FA2H: variants seen among roughly 807,000 people sequenced by gnomAD.
FA2H encodes fatty acid 2-hydroxylase, also known as fatty acid alpha-hydroxylase.
In FA2H, 22 loss-of-function variants were observed where a neutral mutation model predicts 44.9. The observed-to-expected ratio is 0.49, with a 90% confidence interval of 0.35 to 0.70. The LOEUF (loss-of-function observed/expected upper bound fraction) is 0.70. Among genes scored for constraint, FA2H ranks in the 30% least tolerant of loss-of-function variants. FA2H has a pLI of 0.01. For synonymous variants in FA2H, 243 were observed against 213.2 expected (o/e 1.14, Z -1.22); for missense variants, 501 against 504.9 (o/e 0.99, Z 0.07).
Position 74,740,127 on chromosome 16 carries a change from A to T in FA2H, c.271-12T>A, listed in dbSNP as rs1314200047. On this transcript the variant is annotated splice_polypyrimidine_tract_variant and intron_variant, in intron 1 of 6. Transcript: ENST00000219368. Reference sequence around the variant, plus strand: ...TTCTCCATGGAGCCCTGGAAGGAGAAGATACAAGAGGATTATACACAGTGG... The same window carrying T: ...TTCTCCATGGAGCCCTGGAAGGAGATGATACAAGAGGATTATACACAGTGG... 1 of 1,602,916 alleles carries T rather than the reference A, an allele frequency of 6.2e-7. No individual in the cohort carries two copies. The highest frequency in any genetic ancestry group is 8.5e-7 in the Non-Finnish European group (1 of 1,170,044).
intron 2 of FA2H, 80 bp from the exon 3 acceptor site, chr16:74,727,466 C>G: frequency 6.9e-7 from 1 of 1,458,456 alleles, no homozygotes; most frequent in Non-Finnish European, 9.6e-7. Flanking sequence ...TTACAGCATC[C>G]CAATCCCCTG....
At chr16:74,714,554 C>T (rs1961652587) in intron 6 of FA2H, among the ~76,000 whole-genome samples, 1 of 151,796 alleles carries the variant, frequency 6.6e-6, no homozygotes, top group African/African-American at 2.4e-5. Context: ...CTTCCCCTTC[C>T]TTGGGGCCCA....
intron 1 of FA2H, among the ~76,000 whole-genome samples, chr16:74,753,067 G>T (rs1435635128): frequency 1.3e-5 from 2 of 152,210 alleles, no homozygotes; most frequent in Non-Finnish European, 2.9e-5. Context: ...GAGCTGAAGG[G>T]ACTCCTTGCC....
chr16:74,716,259 G>C, intron 6 of FA2H, 88 bp downstream of exon 6: 1 of 1,471,878 alleles, frequency 6.8e-7, no homozygotes, highest in Non-Finnish European at 9.4e-7. Flanking sequence ...ATGGAACAGT[G>C]CCTTGCCGTT....
At chr16:74,758,294 G>A (rs1032734581) in intron 1 of FA2H, among the ~76,000 whole-genome samples, 1 of 151,382 alleles carries the variant, frequency 6.6e-6, no homozygotes, top group African/African-American at 2.4e-5. Flanking sequence ...CTAATTTTTT[G>A]TATTTTTAGT....
intron 1 of FA2H, among the ~76,000 whole-genome samples, chr16:74,751,436 G>A (rs1962524413): frequency 6.6e-6 from 1 of 152,060 alleles, no homozygotes; most frequent in Admixed American, 6.6e-5. Context: ...TACGCAGTGA[G>A]TCCTAGAATT....
intron 1 of FA2H, among the ~76,000 whole-genome samples, chr16:74,750,790 T>TGTGTGTGTGTGTGTGTGTG (rs1555540831): frequency 2.6e-5 from 4 of 151,364 alleles, no homozygotes; most frequent in Non-Finnish European, 4.4e-5. Context: ...TGTGTGTGTG[T>TGTGTGTGTGTGTGTGTGTG]TTAAGAGACA....
At chr16:74,764,246 C>G (rs945894531) in intron 1 of FA2H, among the ~76,000 whole-genome samples, 2 of 152,112 alleles carry the variant, frequency 1.3e-5, no homozygotes, top group Non-Finnish European at 2.9e-5. Context: ...ATAAATCATT[C>G]CATCACAAAG....
At chr16:74,751,284 T>C (rs924036710) in intron 1 of FA2H, among the ~76,000 whole-genome samples, 3 of 151,984 alleles carry the variant, frequency 2.0e-5, no homozygotes, top group African/African-American at 7.2e-5. Context: ...TTAGTAGAGA[T>C]GGGATTTCAC....
intron 4 of FA2H, among the ~76,000 whole-genome samples, chr16:74,720,789 G>C (rs1359314915): frequency 3.9e-5 from 6 of 152,128 alleles, no homozygotes; most frequent in Admixed American, 3.9e-4. Flanking sequence ...CTTCCTCTTT[G>C]TTGGATTTGC....
intron 4 of FA2H, among the ~76,000 whole-genome samples, chr16:74,721,864 G>A (rs944585807): frequency 1.3e-5 from 2 of 152,234 alleles, no homozygotes; most frequent in Non-Finnish European, 2.9e-5. Flanking sequence ...TCTCAGGGAA[G>A]AGGTGTGCAC....
chr16:74,721,968 G>A (rs1597542923), intron 4 of FA2H, among the ~76,000 whole-genome samples: 1 of 152,332 alleles, frequency 6.6e-6, no homozygotes, highest in Middle Eastern at 3.4e-3. Context: ...GGCCTTCCAT[G>A]GATTACTTCC....
chr16:74,740,213 G>GC, intron 1 of FA2H, 98 bp from the exon 2 acceptor site: 2 of 948,090 alleles, frequency 2.1e-6, no homozygotes, highest in Middle Eastern at 2.3e-4. Flanking sequence ...AGTGGTGAGA[G>GC]CCCCGTGGGT....
chr16:74,714,386 T>C (rs1961648297), intron 6 of FA2H, 117 bp from the exon 7 acceptor site: 3 of 741,614 alleles, frequency 4.0e-6, no homozygotes, highest in Non-Finnish European at 4.8e-6. Context: ...ATCTGTCCCC[T>C]TGGCCTTCCC....
chr16:74,774,510 C>A lies in FA2H; in HGVS notation c.246G>T (p.Val82=). 1 of 1,549,988 alleles carries A rather than the reference C, an allele frequency of 6.5e-7. No individual in the cohort carries two copies. The change falls in exon 1 of 7, where the codon GTG becomes GTT. Residue 82 remains valine, a synonymous_variant. Transcript: ENST00000219368. ...CCTGCTGCTCCCCGCGGAGCTCTCCCACGTAGTACTGCTCCAGCCAGCGGC... is the reference window on the plus strand; with the variant it reads ...CCTGCTGCTCCCCGCGGAGCTCTCCAACGTAGTACTGCTCCAGCCAGCGGC... ...NARRWLEQYY[V]GELRGEQQGS...
At chr16:74,715,128 G>C (rs1265374452) in intron 6 of FA2H, among the ~76,000 whole-genome samples, 2 of 151,984 alleles carry the variant, frequency 1.3e-5, no homozygotes, top group African/African-American at 4.8e-5. Flanking sequence ...GTTTAAGCAT[G>C]TTTGGAGCAA....
intron 1 of FA2H, among the ~76,000 whole-genome samples, chr16:74,750,117 T>C (rs1054982653): frequency 6.6e-6 from 1 of 152,236 alleles, no homozygotes; most frequent in Non-Finnish European, 1.5e-5. Flanking sequence ...CCTTAAAACA[T>C]GTCCTTTTGC....
chr16:74,725,170 C>T (rs763251353), intron 4 of FA2H, among the ~76,000 whole-genome samples: 60 of 152,218 alleles, frequency 3.9e-4, no homozygotes, highest in Admixed American at 7.2e-4. Context: ...TTTGGGGGAA[C>T]TTCCTGCAGC....
chr16:74,736,802 G>A (rs895886261), intron 2 of FA2H, among the ~76,000 whole-genome samples: 2 of 152,264 alleles, frequency 1.3e-5, no homozygotes, highest in East Asian at 1.9e-4. Context: ...ACCGGCCTCA[G>A]GGTCTTATTC....
Sources: gnomAD v4.1 joint callset for allele counts (sites outside exome capture counted in the v4.1 genomes callset) on GRCh38, gnomAD v4.1.1 for gene constraint, MANE v1.5 for transcripts, NCBI Gene and HGNC (gene_info 2026-07-23, HGNC 2026-07-21) for gene names.